TNFRSF10D: variants seen among roughly 807,000 people sequenced by gnomAD.
TNFRSF10D encodes tumor necrosis factor receptor superfamily member 10D.
Under a neutral mutation model 42.1 loss-of-function variants are expected in TNFRSF10D, and 28 were observed. That is an observed-to-expected ratio of 0.66 (90% CI 0.49 to 0.91). The LOEUF (loss-of-function observed/expected upper bound fraction) is 0.91, where lower values mean the gene tolerates loss of function less well. Ranked by LOEUF, TNFRSF10D falls within the 40% of genes least tolerant of loss-of-function variation. TNFRSF10D has a pLI of 0.00. For missense variants in TNFRSF10D, 503 were observed against 486.1 expected (o/e 1.03, Z -0.33); for synonymous variants, 186 against 189.4 (o/e 0.98, Z 0.15).
At chr8:23,144,417 C>A in intron 7 of TNFRSF10D, 33 bp downstream of exon 7, 2 of 1,602,428 alleles carry the variant, frequency 1.2e-6, no homozygotes, top group East Asian at 2.2e-5. Flanking sequence ...GCAGGCTGCA[C>A]GCCAGGCAGG....
intron 1 of TNFRSF10D, among the ~76,000 whole-genome samples, chr8:23,155,965 G>A (rs1308935301): frequency 6.6e-6 from 1 of 152,164 alleles, no homozygotes; most frequent in Non-Finnish European, 1.5e-5. Context: ...ACCTTGACAA[G>A]CTGTTCCCAC....
chr8:23,138,717 G>A (rs1424191432), intron 7 of TNFRSF10D, among the ~76,000 whole-genome samples: 929 of 152,144 alleles, frequency 6.1e-3, no homozygotes, highest in African/African-American at 0.019. Context: ...TTGATCATCA[G>A]TACTCTACCA....
At chr8:23,149,106 C>T (rs1484313683) in intron 2 of TNFRSF10D, among the ~76,000 whole-genome samples, 4 of 137,356 alleles carry the variant, frequency 2.9e-5, no homozygotes, top group African/African-American at 1.1e-4. Flanking sequence ...AGGAGAATGG[C>T]GTGAACCCGG....
At chr8:23,140,917 A>G (rs114670897) in intron 7 of TNFRSF10D, among the ~76,000 whole-genome samples, 934 of 152,224 alleles carry the variant, frequency 6.1e-3, no homozygotes, top group African/African-American at 0.019. Context: ...TGAAAATGGA[A>G]TAATACAACT....
At chr8:23,139,641 C>A (rs994322267) in intron 7 of TNFRSF10D, among the ~76,000 whole-genome samples, 1 of 152,154 alleles carries the variant, frequency 6.6e-6, no homozygotes, top group East Asian at 1.9e-4. Context: ...TGCTCACGCT[C>A]ACCACTCCCA....
chr8:23,156,076 G>A (rs939481982), intron 1 of TNFRSF10D, among the ~76,000 whole-genome samples: 2 of 152,050 alleles, frequency 1.3e-5, no homozygotes, highest in African/African-American at 2.4e-5. Context: ...CTGGAGAATC[G>A]GAATAGAGTC....
intron 1 of TNFRSF10D, among the ~76,000 whole-genome samples, chr8:23,158,484 T>C (rs937257788): frequency 6.6e-6 from 1 of 152,230 alleles, no homozygotes; most frequent in Non-Finnish European, 1.5e-5. Flanking sequence ...AGACAAGATA[T>C]AGCTGAGTCT....
At chr8:23,141,046 G>C (rs778317810) in intron 7 of TNFRSF10D, among the ~76,000 whole-genome samples, 1 of 152,054 alleles carries the variant, frequency 6.6e-6, no homozygotes, top group Non-Finnish European at 1.5e-5. Context: ...AAGTTTAAAG[G>C]TAAGACCATG....
At chr8:23,142,340 T>A (rs1433843233) in intron 7 of TNFRSF10D, among the ~76,000 whole-genome samples, 1 of 151,778 alleles carries the variant, frequency 6.6e-6, no homozygotes. Context: ...TGACATGGAA[T>A]CAACCTAGGT....
chr8:23,142,968 T>A (rs1159582677), intron 7 of TNFRSF10D, among the ~76,000 whole-genome samples: 1 of 148,234 alleles, frequency 6.7e-6, no homozygotes, highest in African/African-American at 2.5e-5. Context: ...AGCACCTTTG[T>A]TTTTTTTTTG....
rs372750998 is a variant in TNFRSF10D at position 23,149,001 on chromosome 8, T to C, written c.257-450A>G. ...GTCAGGAGATCGAGACCATCCTGGCTAACACAGTGAAACCCCATCTCTACT... is the reference window on the plus strand; with the variant it reads ...GTCAGGAGATCGAGACCATCCTGGCCAACACAGTGAAACCCCATCTCTACT... On this transcript the variant is annotated intron_variant, in intron 2 of 8. Coordinates refer to ENST00000312584, the MANE Select transcript of TNFRSF10D (RefSeq NM_003840.5). Among the ~76,000 whole-genome samples the C allele has an allele frequency of 3.4e-4, 51 of 151,574 alleles. 1 individual carries two copies. In the South Asian group the frequency reaches 7.1e-3, roughly 21 times the overall value.
rs192763842 is a variant in TNFRSF10D, at chr8:23,163,901, G to A, written c.35C>T (p.Ser12Leu). The A allele has an allele frequency of 5.8e-5, 92 of 1,590,116 alleles. 1 individual carries two copies. In the East Asian group the frequency reaches 1.7e-3, roughly 29 times the overall value. Residue 12 changes from serine (S) to leucine (L), a missense_variant, in exon 1 of 9, where the codon TCG becomes TTG. Transcript: ENST00000312584. The part of the protein sequence containing the change: ...GLWGQSVPTA[S>L]SARAGRYPGA... The stretch of plus-strand genomic sequence containing the variant: ...TGGATAGCGCCCTGCTCGAGCGCTC[G>A]AGGCGGTCGGGACGCTTTGTCCCCA...
Position 23,160,195 on chromosome 8 carries a change from T to G in TNFRSF10D, c.150+3591A>C, listed in dbSNP as rs147892016. 9.0e-3 allele frequency among the ~76,000 whole-genome samples: 1,365 copies of G among 152,338 alleles called. 23 individuals carry two copies. The highest frequency in any genetic ancestry group is 0.058 in the Middle Eastern group (17 of 294). On this transcript the variant is annotated intron_variant, in intron 1 of 8. Transcript: ENST00000312584. ...AAGCAGGATTCACATGGGGTTCATC[T>G]GTCCTCCCTGGCTCCAGCAGACTCC...
chr8:23,158,558 A>G (rs1299748916), intron 1 of TNFRSF10D, among the ~76,000 whole-genome samples: 1 of 152,212 alleles, frequency 6.6e-6, no homozygotes, highest in Non-Finnish European at 1.5e-5. Flanking sequence ...ATTTACAGGG[A>G]GTGCAATAAT....
At chr8:23,155,579 C>T (rs1042405932) in intron 1 of TNFRSF10D, among the ~76,000 whole-genome samples, 1 of 151,858 alleles carries the variant, frequency 6.6e-6, no homozygotes, top group Admixed American at 6.6e-5. Context: ...ATTAGCTGGG[C>T]ATGGTGGCGG....
chr8:23,140,155 A>G (rs772821487), intron 7 of TNFRSF10D, among the ~76,000 whole-genome samples: 45 of 152,184 alleles, frequency 3.0e-4, no homozygotes, highest in Admixed American at 3.9e-4. Flanking sequence ...CAGGCGTGGC[A>G]GTGTGCGCCT....
chr8:23,135,788 T>C lies in TNFRSF10D; in HGVS notation c.*2082A>G, dbSNP rs878861144. 1,478 of 430,114 alleles carry C rather than the reference T, an allele frequency of 3.4e-3. No individual in the cohort carries two copies. Among genetic ancestry groups the C allele is most frequent in the African/African-American group, 0.016 (798 of 49,040 alleles). The allele number at this position is 430,114 out of a possible 1,614,324, so 26.6% of individuals were successfully genotyped here. ...TTAAACACTGATAAGGCTGGTAGTCTAGATGCATCTTCAAGGAAGGCCTCT... is the reference window on the plus strand; with the variant it reads ...TTAAACACTGATAAGGCTGGTAGTCCAGATGCATCTTCAAGGAAGGCCTCT... On this transcript the variant is annotated 3_prime_UTR_variant, in exon 9 of 9. Transcript: ENST00000312584.
At chr8:23,152,970 C>T (rs138953706) in intron 2 of TNFRSF10D, among the ~76,000 whole-genome samples, 906 of 152,122 alleles carry the variant, frequency 6.0e-3, no homozygotes, top group African/African-American at 0.019. Flanking sequence ...CTACCTGATT[C>T]TTAAATATAT....
chr8:23,163,416 TGAACGAACGAAC>T (rs35466375), intron 1 of TNFRSF10D, among the ~76,000 whole-genome samples: 3 of 150,576 alleles, frequency 2.0e-5, no homozygotes, highest in Non-Finnish European at 4.4e-5. Context: ...GTTAACGTTA[TGAACGAACGAAC>T]GAACGAACGA....
Sources: allele counts gnomAD v4.1 joint callset (sites outside exome capture counted in the v4.1 genomes callset), GRCh38; gene constraint gnomAD v4.1.1; transcripts MANE v1.5; gene names NCBI Gene and HGNC (gene_info 2026-07-23, HGNC 2026-07-21).